LRRN2: variants seen among roughly 807,000 people sequenced by gnomAD.
The protein encoded by LRRN2 is leucine rich repeat neuronal 2.
A neutral mutation model predicts 35.7 loss-of-function variants in LRRN2; 10 were observed. The ratio of observed to expected loss-of-function variants is 0.28; its 90% CI spans 0.17 to 0.47. The LOEUF (loss-of-function observed/expected upper bound fraction) is 0.47, where lower values mean the gene tolerates loss of function less well. LRRN2 is among the 20% of genes least tolerant of loss of function. The pLI is 0.99. For synonymous variants in LRRN2, 391 were observed against 409.6 expected (o/e 0.95, Z 0.55); for missense variants, 731 against 940.3 (o/e 0.78, Z 2.91).
Position 204,655,970 on chromosome 1 carries a change from C to T in LRRN2, c.-227+29350G>A, listed in dbSNP as rs371937180. On this transcript the variant is annotated intron_variant, in intron 1 of 1. Coordinates refer to ENST00000367177, the MANE Select transcript of LRRN2 (RefSeq NM_201630.2). The stretch of plus-strand genomic sequence containing the variant: ...TGTCGCCCAGGCTGGAGTGCAGTGG[C>T]GCGATCTCGGCTCACTGCAAGCTCC... 2.4e-3 allele frequency among the ~76,000 whole-genome samples: 369 copies of T among 152,174 alleles called. 3 individuals are homozygous for T. The highest frequency in any genetic ancestry group is 8.4e-3 in the African/African-American group (350 of 41,506).
rs139579429 is a variant in LRRN2 at position 204,634,708 on chromosome 1, G to A, written c.-226-14490C>T. Among the ~76,000 whole-genome samples, 480 of 152,284 alleles carry A rather than the reference G, an allele frequency of 3.2e-3. 1 individual carries two copies. The highest frequency in any genetic ancestry group is 6.8e-3 in the Middle Eastern group (2 of 294). On this transcript the variant is annotated intron_variant, in intron 1 of 1. Coordinates refer to ENST00000367177, the MANE Select transcript of LRRN2 (RefSeq NM_201630.2). The stretch of plus-strand genomic sequence containing the variant: ...AATCCTCCTCTACAGGTTTCAGAGC[G>A]AGGATGGCCCTGCCGACACCTTGAT...
chr1:204,652,999 G>A (rs957297349), intron 1 of LRRN2, among the ~76,000 whole-genome samples: 3 of 152,180 alleles, frequency 2.0e-5, no homozygotes, highest in African/African-American at 7.2e-5. Context: ...AGCAAGGTGA[G>A]TTGGTCCTCA....
rs1473232567 is a variant in LRRN2 at position 204,619,725 on chromosome 1, C to T, written c.268G>A (p.Gly90Ser). 4.3e-6 allele frequency: 7 copies of T among 1,614,196 alleles called. No homozygotes were observed. In the South Asian group the frequency reaches 4.4e-5, roughly 10 times the overall value. ...SIVRVDQSEL[G>S]YLANLTELDL... ...AGCTCTGTGAGATTGGCCAGGTAGC[C>T]CAGCTCACTCTGGTCCACACGGACA... Residue 90 changes from glycine to serine, a missense_variant, in exon 2 of 2, where the codon GGC becomes AGC. Gly to Ser is a moderately conservative substitution (Grantham distance 56). Coordinates refer to ENST00000367177, the MANE Select transcript of LRRN2 (RefSeq NM_201630.2).
intron 1 of LRRN2, among the ~76,000 whole-genome samples, chr1:204,634,742 T>G (rs1571646968): frequency 6.6e-6 from 1 of 152,138 alleles, no homozygotes; most frequent in Non-Finnish European, 1.5e-5. Context: ...ATTTTGAACC[T>G]CCAGCCTCCA....
intron 1 of LRRN2, among the ~76,000 whole-genome samples, chr1:204,643,834 G>A (rs1269870974): frequency 6.6e-6 from 1 of 152,094 alleles, no homozygotes; most frequent in African/African-American, 2.4e-5. Context: ...ACCACAAAGT[G>A]GAAAGAACAA....
At chr1:204,642,404 A>G (rs1667999895) in intron 1 of LRRN2, among the ~76,000 whole-genome samples, 1 of 152,166 alleles carries the variant, frequency 6.6e-6, no homozygotes, top group Non-Finnish European at 1.5e-5. Flanking sequence ...GACCTGTGCC[A>G]GGAGCTACTC....
At chr1:204,640,743 G>C (rs1370311609) in intron 1 of LRRN2, among the ~76,000 whole-genome samples, 1 of 152,140 alleles carries the variant, frequency 6.6e-6, no homozygotes, top group Non-Finnish European at 1.5e-5. Context: ...CACTGGCAGA[G>C]ACTGAGCAAC....
At chr1:204,681,788 G>A (rs998618517) in intron 1 of LRRN2, among the ~76,000 whole-genome samples, 2 of 152,196 alleles carry the variant, frequency 1.3e-5, no homozygotes, top group Non-Finnish European at 2.9e-5. Context: ...AACAGATAAA[G>A]GCATCTTTCT....
rs1558422408 is a variant in LRRN2 at position 204,671,395 on chromosome 1, T to TGTGTGTGTG, written c.-227+13924_-227+13925insCACACACAC. On this transcript the variant is annotated intron_variant, in intron 1 of 1. Coordinates refer to ENST00000367177, the MANE Select transcript of LRRN2 (RefSeq NM_201630.2). ...TGAGTTTGTAGAAGTAGCAATCTGT[T>TGTGTGTGTG]TGTGTGTTTGTGTGTGTGTGTGTGT... Among the ~76,000 whole-genome samples, 140 of 141,528 alleles carry TGTGTGTGTG rather than the reference T, an allele frequency of 9.9e-4. 2 individuals carry two copies. The highest frequency in any genetic ancestry group is 7.0e-3 in the Middle Eastern group (2 of 284). The allele number at this position is 141,528 out of a possible 152,430, so 92.8% of individuals were successfully genotyped here.
chr1:204,674,884 C>G (rs953324791), intron 1 of LRRN2, among the ~76,000 whole-genome samples: 3 of 152,230 alleles, frequency 2.0e-5, no homozygotes, highest in African/African-American at 7.2e-5. Flanking sequence ...CCAGTGCTCA[C>G]GTCGCCTCTG....
intron 1 of LRRN2, among the ~76,000 whole-genome samples, chr1:204,644,582 G>T (rs542805036): frequency 7.9e-5 from 12 of 152,254 alleles, no homozygotes; most frequent in African/African-American, 2.9e-4. Context: ...TCCTCCAAGT[G>T]CCAGCTCAGT....
intron 1 of LRRN2, among the ~76,000 whole-genome samples, chr1:204,632,093 G>A (rs1015249853): frequency 6.6e-6 from 1 of 152,098 alleles, no homozygotes; most frequent in Non-Finnish European, 1.5e-5. Flanking sequence ...ACCTATGTGG[G>A]TGTGGTGGCT....
Position 204,630,088 on chromosome 1 carries a change from AAAATAAAAATTG to A in LRRN2, c.-226-9882_-226-9871del, listed in dbSNP as rs543857837. Among the ~76,000 whole-genome samples, 7 of 152,328 alleles carry A rather than the reference AAAATAAAAATTG, an allele frequency of 4.6e-5. No individual in the cohort carries two copies. The South Asian group carries it at 1.5e-3, about 32-fold the overall frequency. ...ATCTGCACATGGACCCCCTATACATAAAATAAAAATTGAAATAAAAATCCACATCAAATACAA... is the reference window on the plus strand; with the variant it reads ...ATCTGCACATGGACCCCCTATACATAAAATAAAAATCCACATCAAATACAA... On this transcript the variant is annotated intron_variant, in intron 1 of 1. Transcript: ENST00000367177.
intron 1 of LRRN2, among the ~76,000 whole-genome samples, chr1:204,644,678 C>A (rs753665305): frequency 6.6e-6 from 1 of 152,262 alleles, no homozygotes. Context: ...GCAAGTCCAT[C>A]TGCCTCCCCA....
intron 1 of LRRN2, among the ~76,000 whole-genome samples, chr1:204,639,986 A>G (rs1667944290): frequency 6.6e-6 from 1 of 152,248 alleles, no homozygotes; most frequent in Non-Finnish European, 1.5e-5. Context: ...TATAATTCAT[A>G]TACCATAAAT....
At position 204,660,579 on chromosome 1, in the gene LRRN2, ACTCTCT is replaced by A. The variant is rs112179063; in HGVS notation, c.-227+24735_-227+24740del. ...CACACACACACACACACACACACAC[ACTCTCT>A]CTCTCTCTCTCTCTCTCACTTCGTC... is the stretch of plus-strand genomic sequence containing the variant. On this transcript the variant is annotated intron_variant, in intron 1 of 1. Coordinates refer to ENST00000367177, the MANE Select transcript of LRRN2 (RefSeq NM_201630.2). 1.9e-4 allele frequency among the ~76,000 whole-genome samples: 18 copies of A among 95,120 alleles called. No homozygotes were observed. In the South Asian group the frequency reaches 2.0e-3, roughly 11 times the overall value. The allele number at this position is 95,120 out of a possible 152,430, so 62.4% of individuals were successfully genotyped here.
At chr1:204,661,502 C>T (rs1344478224) in intron 1 of LRRN2, among the ~76,000 whole-genome samples, 2 of 152,304 alleles carry the variant, frequency 1.3e-5, no homozygotes, top group South Asian at 4.1e-4. Context: ...GGGAGCTTAT[C>T]TACAATGCAG....
intron 1 of LRRN2, among the ~76,000 whole-genome samples, chr1:204,624,973 C>T (rs1394771800): frequency 3.9e-5 from 6 of 152,260 alleles, no homozygotes; most frequent in Admixed American, 3.9e-4. Context: ...GCCAGTCCTC[C>T]ATCTGCATAC....
At chr1:204,632,705 G>A (rs555495469) in intron 1 of LRRN2, among the ~76,000 whole-genome samples, 57 of 151,676 alleles carry the variant, frequency 3.8e-4, no homozygotes, top group Non-Finnish European at 6.3e-4. Flanking sequence ...GCCGAGGCGG[G>A]CGGATCACAA....
Sources: allele counts gnomAD v4.1 joint callset (sites outside exome capture counted in the v4.1 genomes callset), GRCh38; gene constraint gnomAD v4.1.1; transcripts MANE v1.5; gene names NCBI Gene and HGNC (gene_info 2026-07-23, HGNC 2026-07-21).